PATZ1: variants seen among roughly 807,000 people sequenced by gnomAD.
PATZ1 encodes POZ/BTB and AT hook containing zinc finger 1.
PATZ1 carries 9 observed loss-of-function variants against 46.2 expected under a neutral mutation model. The ratio of observed to expected loss-of-function variants is 0.19; its 90% CI spans 0.12 to 0.34. PATZ1 has a LOEUF of 0.34. Ranked by LOEUF, PATZ1 falls within the 10% of genes least tolerant of loss-of-function variation. PATZ1 has a pLI of 1.00. For synonymous variants in PATZ1, 426 were observed against 378.6 expected (o/e 1.13, Z -1.45); for missense variants, 632 against 923.0 (o/e 0.68, Z 4.08).
At chr22:31,337,467 G>A (rs911073869) in intron 2 of PATZ1, among the ~76,000 whole-genome samples, 1 of 152,190 alleles carries the variant, frequency 6.6e-6, no homozygotes, top group Non-Finnish European at 1.5e-5. Context: ...TAGTACCAGT[G>A]ATCAGTCTCC....
At chr22:31,335,418 TGA>T (rs2049496678) in intron 3 of PATZ1, 3 of 400,084 alleles carry the variant, frequency 7.5e-6, no homozygotes, top group Admixed American at 8.3e-5. Context: ...GAGTAGCAGG[TGA>T]GAGTTATGGG....
intron 2 of PATZ1, chr22:31,341,379 G>A (rs1360308940): frequency 6.6e-7 from 1 of 1,524,520 alleles, no homozygotes; most frequent in East Asian, 2.3e-5. Flanking sequence ...CCCTTCCACT[G>A]TCAACCCTCT....
chr22:31,341,523 T>C, intron 2 of PATZ1: 1 of 1,613,202 alleles, frequency 6.2e-7, no homozygotes. Context: ...TGGGCCCAGG[T>C]TTTCAAGGGC....
Position 31,345,186 on chromosome 22 carries a change from G to A in PATZ1, c.417C>T (p.Ala139=), listed in dbSNP as rs751633376. The A allele has an allele frequency of 1.1e-4, 173 of 1,614,044 alleles. No homozygotes were observed. Among genetic ancestry groups the A allele is most frequent in the Non-Finnish European group, 1.4e-4 (163 of 1,180,016 alleles). Residue 139 remains alanine, a synonymous_variant, in exon 1 of 5, where the codon GCC becomes GCT. Coordinates refer to ENST00000266269, the MANE Select transcript of PATZ1 (RefSeq NM_014323.3). This position sits in a 1 kb window ranked among gnomAD's most constrained non-coding sequence, Gnocchi z 7.4. ...RLESFPELMT[A]AKFLLMRSVI... Reference sequence around the variant, plus strand: ...CCGACCTCATCAGCAGGAACTTGGCGGCCGTCATGAGTTCGGGAAAGCTCT... The same window carrying A: ...CCGACCTCATCAGCAGGAACTTGGCAGCCGTCATGAGTTCGGGAAAGCTCT...
Position 31,345,282 on chromosome 22 carries a change from G to T in PATZ1, c.321C>A (p.His107Gln). The stretch of plus-strand genomic sequence containing the variant: ...CCCCAAATACCTTGGAGCTGATAGT[G>T]TGCATCTCCAGCTCCCGGCTGCCCC... ...GAGGSRELEM[H>Q]TISSKVFGDI... Residue 107 changes from histidine (H) to glutamine (Q), a missense_variant, in exon 1 of 5, where the codon CAC becomes CAA. By Grantham distance (24) the His-to-Gln change is conservative. This residue lies in a region of PATZ1 where 62 missense variants were observed against 67.9 expected (regional missense o/e 0.91). Coordinates refer to ENST00000266269, the MANE Select transcript of PATZ1 (RefSeq NM_014323.3). The surrounding 1 kb of genome is among the most constrained non-coding windows in gnomAD (Gnocchi z 7.4). 6.2e-7 allele frequency: 1 copy of T among 1,612,228 alleles called. No individual in the cohort carries two copies. The highest frequency in any genetic ancestry group is 8.5e-7 in the Non-Finnish European group (1 of 1,178,654).
chr22:31,327,347 G>A lies in PATZ1; in HGVS notation c.1646-38C>T. On this transcript the variant is annotated intron_variant, in intron 4 of 4. Transcript: ENST00000266269. The surrounding 1 kb of genome is among the most constrained non-coding windows in gnomAD (Gnocchi z 4.2). The stretch of plus-strand genomic sequence containing the variant: ...AAAATATAGGAGAGCGATGAGGCCA[G>A]GCTCTGGAGATGCCCCCTCCTGGAG... 2.6e-6 allele frequency: 4 copies of A among 1,560,628 alleles called. No homozygotes were observed. The highest frequency in any genetic ancestry group is 3.5e-6 in the Non-Finnish European group (4 of 1,142,998).
chr22:31,337,205 T>A (rs2049522677), intron 2 of PATZ1, among the ~76,000 whole-genome samples: 1 of 152,196 alleles, frequency 6.6e-6, no homozygotes, highest in African/African-American at 2.4e-5. Context: ...ATTCATTGTG[T>A]GCCAGGCAGG....
Position 31,335,714 on chromosome 22 carries a change from G to A in PATZ1, c.1485C>T (p.Asn495=), listed in dbSNP as rs781549286. Residue 495 remains asparagine (N), a synonymous_variant, in exon 3 of 5, where the codon AAC becomes AAT. Transcript: ENST00000266269. ...HLKKHSEGPS[N]FCSICNRGFS... ...TACCTCGGTTACAGATACTGCAGAA[G>A]TTGCTGGGCCCCTCGCTGTGCTTCT... 6.2e-7 allele frequency: 1 copy of A among 1,614,140 alleles called. No homozygotes were observed. Among genetic ancestry groups the A allele is most frequent in the South Asian group, 1.1e-5 (1 of 91,076 alleles).
intron 3 of PATZ1, among the ~76,000 whole-genome samples, chr22:31,332,475 C>G (rs983474410): frequency 1.3e-5 from 2 of 152,220 alleles, no homozygotes; most frequent in East Asian, 3.8e-4. Context: ...AACAAGCCAC[C>G]GGCCCTTTCA....
Position 31,326,428 on chromosome 22 carries a change from G to A in PATZ1, c.*463C>T, listed in dbSNP as rs549507315. 7 of 235,920 alleles carry A rather than the reference G, an allele frequency of 3.0e-5. No individual in the cohort carries two copies. The highest frequency in any genetic ancestry group is 1.7e-4 in the South Asian group (1 of 5,768). The allele number at this position is 235,920 out of a possible 1,614,324, so 14.6% of individuals were successfully genotyped here. A position where few individuals can be genotyped will look rare whatever the true frequency, so the allele number is the denominator to read the frequency against. ...CTTCCTTAAAAACAGTTGGGCATCCGCATTGTATAAGTAGGTGGAGACCCT... is the reference window on the plus strand; with the variant it reads ...CTTCCTTAAAAACAGTTGGGCATCCACATTGTATAAGTAGGTGGAGACCCT... On this transcript the variant is annotated 3_prime_UTR_variant, in exon 5 of 5. Transcript: ENST00000266269.
At chr22:31,339,490 G>A (rs925308698) in intron 2 of PATZ1, among the ~76,000 whole-genome samples, 1 of 152,152 alleles carries the variant, frequency 6.6e-6, no homozygotes, top group African/African-American at 2.4e-5. Context: ...GAGAAGGGGC[G>A]GAGGGAGACA....
intron 3 of PATZ1, 150 bp from the exon 4 acceptor site, chr22:31,329,074 C>G: frequency 8.5e-6 from 6 of 707,852 alleles, no homozygotes; most frequent in Non-Finnish European, 1.4e-5. Context: ...ATGGCTGCAA[C>G]CACATGAGCC....
intron 2 of PATZ1, among the ~76,000 whole-genome samples, chr22:31,342,399 A>C (rs1188042910): frequency 2.0e-5 from 3 of 151,712 alleles, no homozygotes; most frequent in East Asian, 3.9e-4. Flanking sequence ...CCTACCTCCT[A>C]CCTCCCCCAC....
rs1024120922 is a variant in PATZ1 at position 31,327,151 on chromosome 22, C to T, written c.1804G>A (p.Glu602Lys). The change falls in exon 5 of 5, where the codon GAG becomes AAG. Residue 602 changes from glutamate to lysine, a missense_variant. By Grantham distance (56) the Glu-to-Lys change is moderately conservative. Around this residue, in one of 7 missense-constraint regions of PATZ1, gnomAD observed 176 missense variants for 249.4 expected, o/e 0.71. Coordinates refer to ENST00000266269, the MANE Select transcript of PATZ1 (RefSeq NM_014323.3). This position sits in a 1 kb window ranked among gnomAD's most constrained non-coding sequence, Gnocchi z 4.2. The part of the protein sequence containing the change: ...VPKNKMESDG[E>K]KKYPCPECGS... Reference sequence around the variant, plus strand: ...CATTCAGGGCATGGGTACTTCTTCTCCCCATCAGACTCCATTTTGTTTTTG... The same window carrying T: ...CATTCAGGGCATGGGTACTTCTTCTTCCCATCAGACTCCATTTTGTTTTTG... The T allele has an allele frequency of 6.2e-7, 1 of 1,614,170 alleles. No individual in the cohort carries two copies. The highest frequency in any genetic ancestry group is 8.5e-7 in the Non-Finnish European group (1 of 1,180,016).
At position 31,344,973 on chromosome 22, in the gene PATZ1, C is replaced by A; in HGVS notation, c.630G>T (p.Glu210Asp). The A allele has an allele frequency of 6.2e-7, 1 of 1,613,976 alleles. No homozygotes were observed. The highest frequency in any genetic ancestry group is 8.5e-7 in the Non-Finnish European group (1 of 1,180,050). Reference protein sequence around the residue: ...NGIAGSMQPEEEAARAAGAAI... With the variant: ...NGIAGSMQPEDEAARAAGAAI... Reference sequence around the variant, plus strand: ...CTGCACCAGCCGCCCGAGCTGCCTCCTCCTCTGGCTGCATGCTGCCGGCGA... The same window carrying A: ...CTGCACCAGCCGCCCGAGCTGCCTCATCCTCTGGCTGCATGCTGCCGGCGA... Residue 210 changes from glutamate (E) to aspartate (D), a missense_variant, in exon 1 of 5, where the codon GAG (glutamate) becomes GAT (aspartate). By Grantham distance (45) the Glu-to-Asp change is conservative. Transcript: ENST00000266269.
chr22:31,341,543 T>C (rs1272989486), intron 2 of PATZ1: 10 of 1,614,014 alleles, frequency 6.2e-6, no homozygotes, highest in Admixed American at 1.7e-5. Context: ...CTGGGAATGA[T>C]TTTTTTAGAG....
Position 31,344,940 on chromosome 22 carries a change from T to C in PATZ1, c.663A>G (p.Ala221=), listed in dbSNP as rs746885100. 6.2e-7 allele frequency: 1 copy of C among 1,613,568 alleles called. No individual in the cohort carries two copies. The highest frequency in any genetic ancestry group is 1.7e-5 in the Admixed American group (1 of 60,014). The change falls in exon 1 of 5, where the codon GCA becomes GCG. Residue 221 remains alanine, a synonymous_variant. Coordinates refer to ENST00000266269, the MANE Select transcript of PATZ1 (RefSeq NM_014323.3). The part of the protein sequence containing the change: ...EAARAAGAAI[A]GQASLPVLPG... Reference sequence around the variant, plus strand: ...GTAACACAGGCAAAGAGGCTTGGCCTGCAATGGCTGCACCAGCCGCCCGAG... The same window carrying C: ...GTAACACAGGCAAAGAGGCTTGGCCCGCAATGGCTGCACCAGCCGCCCGAG...
At chr22:31,343,403 G>T in intron 1 of PATZ1, 1 of 988,624 alleles carries the variant, frequency 1.0e-6, no homozygotes, top group Non-Finnish European at 1.2e-6. Context: ...AATGCCACCC[G>T]GATGGAATTC....
intron 3 of PATZ1, 81 bp downstream of exon 3, chr22:31,335,611 C>G: frequency 7.4e-7 from 1 of 1,342,382 alleles, no homozygotes; most frequent in Non-Finnish European, 1.0e-6. Flanking sequence ...GAGTCTGAGG[C>G]AGGGTGATTG....
Sources: allele counts gnomAD v4.1 joint callset (sites outside exome capture counted in the v4.1 genomes callset), GRCh38; gene constraint gnomAD v4.1.1; regional missense constraint gnomAD v4.1.1; non-coding constraint Gnocchi (gnomAD v3.1); transcripts MANE v1.5; gene names NCBI Gene and HGNC (gene_info 2026-07-23, HGNC 2026-07-21).